Variants in TTLL4 observed in about 807,000 individuals in gnomAD.
TTLL4 encodes tubulin monoglutamylase TTLL4.
In TTLL4, 85 loss-of-function variants were observed where a neutral mutation model predicts 122.7. The observed-to-expected ratio is 0.69, with a 90% CI of 0.58 to 0.83. The LOEUF (loss-of-function observed/expected upper bound fraction) is 0.83, where lower values mean the gene tolerates loss of function less well. TTLL4 is among the 40% of genes least tolerant of loss of function. The pLI, the probability that TTLL4 is intolerant of heterozygous loss-of-function variation, is 0.00. For missense variants in TTLL4, 1,363 were observed against 1,488.6 expected, an observed-to-expected ratio of 0.92 and a Z score of 1.39; for synonymous variants, 553 against 563.0, an observed-to-expected ratio of 0.98 and a Z score of 0.25.
intron 1 of TTLL4, among the ~76,000 whole-genome samples, chr2:218,718,572 T>G (rs1044830050): frequency 1.3e-5 from 2 of 152,120 alleles, no homozygotes; most frequent in Non-Finnish European, 2.9e-5. Context: ...GAAATGGGGT[T>G]TCTCCATGTT....
chr2:218,748,934 C>T lies in TTLL4; in HGVS notation c.2600C>T (p.Ser867Leu). 3.1e-6 allele frequency: 5 copies of T among 1,614,000 alleles called. No homozygotes were observed. Among genetic ancestry groups the T allele is most frequent in the Non-Finnish European group, 3.4e-6 (4 of 1,179,938 alleles). ...IKDVVVKTII[S>L]SEPYVTSLLK... Reference sequence around the variant, plus strand: ...GATGTTGTTGTCAAAACTATCATCTCGTGAGTCACATTGCCAACCTGGATG... The same window carrying T: ...GATGTTGTTGTCAAAACTATCATCTTGTGAGTCACATTGCCAACCTGGATG... The change falls in exon 13 of 20, where the codon TCG becomes TTG. Residue 867 changes from serine to leucine, a missense_variant and splice_region_variant. By Grantham distance (145) the Ser-to-Leu change is moderately radical. Coordinates refer to ENST00000392102, the MANE Select transcript of TTLL4 (RefSeq NM_014640.5).
chr2:218,733,309 A>G (rs556416149), intron 2 of TTLL4, among the ~76,000 whole-genome samples: 3 of 152,296 alleles, frequency 2.0e-5, no homozygotes, highest in East Asian at 1.9e-4. Context: ...TGCAGGCTGT[A>G]TGGGTAGCAT....
downstream of TTLL4, among the ~76,000 whole-genome samples, chr2:218,757,825 C>T (rs1226808499): frequency 6.6e-6 from 1 of 152,140 alleles, no homozygotes; most frequent in Non-Finnish European, 1.5e-5. Flanking sequence ...AGATAGGTGA[C>T]CAACAAAGGC....
Position 218,753,002 on chromosome 2 carries a change from C to T in TTLL4, c.3187+29C>T, listed in dbSNP as rs370956423. On this transcript the variant is annotated intron_variant, in intron 17 of 19. Coordinates refer to ENST00000392102, the MANE Select transcript of TTLL4 (RefSeq NM_014640.5). ...ATGTGCCCTCCCTGCCCTCAGAAAGCCAAGTTTAGTGAGAGATTAAATCCC... is the reference window on the plus strand; with the variant it reads ...ATGTGCCCTCCCTGCCCTCAGAAAGTCAAGTTTAGTGAGAGATTAAATCCC... 52 of 1,614,070 alleles carry T rather than the reference C, an allele frequency of 3.2e-5. No individual in the cohort carries two copies. In the African/African-American group the frequency reaches 5.7e-4, roughly 18 times the overall value.
chr2:218,719,998 T>C (rs1190475113), intron 1 of TTLL4, among the ~76,000 whole-genome samples: 1 of 152,198 alleles, frequency 6.6e-6, no homozygotes, highest in Non-Finnish European at 1.5e-5. Context: ...ATGACTGGTT[T>C]CCCTTTGGGG....
At chr2:218,734,021 T>C (rs888505658) in intron 2 of TTLL4, among the ~76,000 whole-genome samples, 3 of 152,244 alleles carry the variant, frequency 2.0e-5, no homozygotes, top group Non-Finnish European at 4.4e-5. Flanking sequence ...ACCTGGCTTT[T>C]GTCTGGTACC....
Position 218,750,053 on chromosome 2 carries a change from T to A in TTLL4, c.2780T>A (p.Met927Lys). The change falls in exon 15 of 20, where the codon ATG becomes AAG. Residue 927 changes from methionine to lysine, a missense_variant. Met to Lys is a moderately conservative substitution (Grantham distance 95). Around this residue, in one of 3 missense-constraint regions of TTLL4, gnomAD observed 596 missense variants for 655.8 expected, o/e 0.91. Transcript: ENST00000392102. ...CTGGATATCAGCATCAAAGGCCAGA[T>A]GATTCGTGACCTTCTGAATCTGGCA... ...SPLDISIKGQMIRDLLNLAGF... is the reference protein window; with the variant it reads ...SPLDISIKGQKIRDLLNLAGF... 6.2e-7 allele frequency: 1 copy of A among 1,614,152 alleles called. No individual in the cohort carries two copies. The highest frequency in any genetic ancestry group is 1.7e-5 in the Admixed American group (1 of 60,018).
At chr2:218,715,630 CT>C (rs869275078) in intron 1 of TTLL4, among the ~76,000 whole-genome samples, 213 of 147,848 alleles carry the variant, frequency 1.4e-3, no homozygotes, top group African/African-American at 4.8e-3. Context: ...GAATGATAAT[CT>C]TTTTTTTTTT....
intron 15 of TTLL4, chr2:218,751,482 A>G: frequency 2.5e-6 from 1 of 393,972 alleles, no homozygotes; most frequent in African/African-American, 2.2e-5. Context: ...TTCAAATTCA[A>G]CCTAAAGCTG....
intron 18 of TTLL4, 169 bp downstream of exon 18, chr2:218,753,354 T>C: frequency 1.1e-6 from 1 of 874,108 alleles, no homozygotes; most frequent in Non-Finnish European, 1.8e-6. Context: ...CCTCCAGGAT[T>C]CCCTGGGTAC....
intron 1 of TTLL4, among the ~76,000 whole-genome samples, chr2:218,717,965 A>G (rs1384613276): frequency 2.0e-5 from 3 of 151,874 alleles, no homozygotes; most frequent in Non-Finnish European, 2.9e-5. Context: ...CGCCTTTTGT[A>G]TTTTTAGTAG....
Position 218,754,410 on chromosome 2 carries a change from T to C in TTLL4, c.*21T>C. On this transcript the variant is annotated 3_prime_UTR_variant, in exon 20 of 20. Coordinates refer to ENST00000392102, the MANE Select transcript of TTLL4 (RefSeq NM_014640.5). ...CATAACTGGCCTCTCTCCAAAAGCC[T>C]CTGCCCAGGAGCATGGGCATCAGCT... 1 of 1,613,414 alleles carries C rather than the reference T, an allele frequency of 6.2e-7. No homozygotes were observed. The highest frequency in any genetic ancestry group is 8.5e-7 in the Non-Finnish European group (1 of 1,179,856).
chr2:218,721,015 A>G (rs1194748449), intron 1 of TTLL4, among the ~76,000 whole-genome samples: 1 of 152,228 alleles, frequency 6.6e-6, no homozygotes, highest in Non-Finnish European at 1.5e-5. Flanking sequence ...ATTGTTGAGC[A>G]CATGAATGTA....
chr2:218,724,471 T>C (rs1339508925), intron 1 of TTLL4, among the ~76,000 whole-genome samples: 3 of 152,224 alleles, frequency 2.0e-5, no homozygotes, highest in African/African-American at 7.2e-5. Flanking sequence ...ATCTGTTCTC[T>C]ATATTCTGAA....
chr2:218,725,415 A>G lies in TTLL4; in HGVS notation c.-177-1854A>G, dbSNP rs185757427. Among the ~76,000 whole-genome samples the G allele has an allele frequency of 6.7e-4, 100 of 149,918 alleles. 1 individual carries two copies. The East Asian group carries it at 0.018, about 27-fold the overall frequency. On this transcript the variant is annotated intron_variant, in intron 1 of 19. Transcript: ENST00000392102. ...TTTATGGTTTTTTTTTTGTAGAGAT[A>G]GGATCTCACTATGTTTCCCAGGTTG...
At chr2:218,749,185 GC>G in intron 13 of TTLL4, 67 bp from the exon 14 acceptor site, 1 of 1,579,734 alleles carries the variant, frequency 6.3e-7, no homozygotes, top group East Asian at 2.2e-5. Context: ...CACTCTTTTG[GC>G]AGGATAGCTC....
intron 1 of TTLL4, among the ~76,000 whole-genome samples, chr2:218,718,390 T>C (rs77245088): frequency 6.6e-6 from 1 of 152,002 alleles, no homozygotes; most frequent in Non-Finnish European, 1.5e-5. Flanking sequence ...TTTTTTTTTT[T>C]CTTTTGAGAC....
In TTLL4 at chr2:218,737,893, G is replaced by C. The variant is rs1347139633; in HGVS notation, c.217G>C (p.Gly73Arg). ...LSAGLGPGLL[G>R]VPPQPAYFFC... ...AGCAGGGTTGGGCCCAGGCCTCTTG[G>C]GCGTCCCACCCCAGCCAGCATATTT... The change falls in exon 3 of 20, where the codon GGC (glycine) becomes CGC (arginine). Residue 73 changes from glycine to arginine, a missense_variant. Physicochemically the swap from Gly to Arg is moderately radical, Grantham distance 125 (BLOSUM62 -2). Around this residue, in one of 3 missense-constraint regions of TTLL4, gnomAD observed 760 missense variants for 808.4 expected, o/e 0.94. Transcript: ENST00000392102. 4.3e-6 allele frequency: 7 copies of C among 1,614,178 alleles called. No individual in the cohort carries two copies. The highest frequency in any genetic ancestry group is 5.9e-6 in the Non-Finnish European group (7 of 1,180,046).
At chr2:218,726,493 T>G (rs1368627940) in intron 1 of TTLL4, among the ~76,000 whole-genome samples, 1 of 152,246 alleles carries the variant, frequency 6.6e-6, no homozygotes, top group African/African-American at 2.4e-5. Context: ...AGACAGAGTC[T>G]CAGTCTGTCA....
Sources: gnomAD v4.1 joint callset for allele counts (sites outside exome capture counted in the v4.1 genomes callset) on GRCh38, gnomAD v4.1.1 for gene constraint, gnomAD v4.1.1 regional missense constraint, MANE v1.5 for transcripts, NCBI Gene and HGNC (gene_info 2026-07-23, HGNC 2026-07-21) for gene names.